RAB33A: variants seen among roughly 807,000 people sequenced by gnomAD.
RAB33A encodes the protein RAB33A, member RAS oncogene family, also known as ras-related protein Rab-33A.
A neutral mutation model predicts 12.0 loss-of-function variants in RAB33A; 6 were observed. The ratio of observed to expected loss-of-function variants is 0.50; its 90% CI spans 0.27 to 0.99. The LOEUF (loss-of-function observed/expected upper bound fraction) is 0.99. RAB33A is among the 50% of genes least tolerant of loss of function. RAB33A has a pLI of 0.11. For synonymous variants in RAB33A, 70 were observed against 82.4 expected, an observed-to-expected ratio of 0.85 and a Z score of 0.81; for missense variants, 109 against 192.0, an observed-to-expected ratio of 0.57 and a Z score of 2.55.
chrX:130,139,306 T>C, the RAB33A span, among the ~76,000 whole-genome samples: 11 of 108,080 alleles, frequency 1.0e-4, no homozygotes, highest in Admixed American at 1.0e-3. Flanking sequence ...CACTCCAGCC[T>C]GGGTGATAGA....
the RAB33A span, among the ~76,000 whole-genome samples, chrX:130,116,380 G>A: frequency 2.7e-5 from 3 of 111,293 alleles, no homozygotes; most frequent in Non-Finnish European, 5.7e-5. Context: ...TGCAACCTCC[G>A]CTTCCCGGGT....
intron 1 of RAB33A, among the ~76,000 whole-genome samples, chrX:130,178,273 G>A (rs748090467): frequency 9.1e-6 from 1 of 110,037 alleles, no homozygotes; most frequent in African/African-American, 3.3e-5. Flanking sequence ...AGCCATGATT[G>A]CACTGCTGCA....
the RAB33A span, chrX:130,131,773 T>C: frequency 8.3e-6 from 10 of 1,211,696 alleles, no homozygotes; most frequent in Admixed American, 2.2e-5. Context: ...AATAGCTTCA[T>C]AGCCAACATC....
intron 1 of RAB33A, among the ~76,000 whole-genome samples, chrX:130,182,139 CA>C (rs1188540923): frequency 0.016 from 497 of 30,413 alleles, 6 homozygotes; most frequent in African/African-American, 0.054. Flanking sequence ...TCTGTCTCTA[CA>C]AAAAAAAAAA....
chrX:130,152,944 T>A, the RAB33A span, among the ~76,000 whole-genome samples: 35 of 111,384 alleles, frequency 3.1e-4, 1 homozygote, highest in Non-Finnish European at 5.7e-5. Flanking sequence ...AGAGTAGTTT[T>A]TGAAGCTTTG....
the RAB33A span, among the ~76,000 whole-genome samples, chrX:130,153,902 C>G: frequency 1.8e-5 from 2 of 112,141 alleles, no homozygotes; most frequent in Admixed American, 1.9e-4. Flanking sequence ...TTTGTTATGG[C>G]AGCCCAAGAA....
chrX:130,133,547 TTGTAA>T, the RAB33A span: 1 of 1,048,463 alleles, frequency 9.5e-7, no homozygotes, highest in Non-Finnish European at 1.3e-6. Flanking sequence ...CAAAGAACAC[TTGTAA>T]TGGTAACTAA....
At chrX:130,137,180 C>A in the RAB33A span, 1 of 1,211,112 alleles carries the variant, frequency 8.3e-7, no homozygotes, top group Admixed American at 2.2e-5. Flanking sequence ...GTGCCCAAGG[C>A]TCGAGCTGGG....
At chrX:130,170,295 C>T (rs953157054), upstream of RAB33A, among the ~76,000 whole-genome samples, 3 of 112,298 alleles carry the variant, frequency 2.7e-5, no homozygotes, top group Non-Finnish European at 5.6e-5. Flanking sequence ...GTTTTTCTCT[C>T]AGCAGAAATG....
chrX:130,171,865 G>A, upstream of RAB33A: 1 of 427,254 alleles, frequency 2.3e-6, no homozygotes. Context: ...AGGAGGAGGA[G>A]GGGGGCCCGG....
the RAB33A span, among the ~76,000 whole-genome samples, chrX:130,134,274 A>G: frequency 1.8e-5 from 2 of 110,675 alleles, no homozygotes; most frequent in Non-Finnish European, 3.8e-5. Flanking sequence ...CTGCTTCCAT[A>G]AAGCTAACCT....
intron 1 of RAB33A, among the ~76,000 whole-genome samples, chrX:130,182,497 G>A (rs1360414797): frequency 9.0e-6 from 1 of 110,904 alleles, no homozygotes; most frequent in African/African-American, 3.3e-5. Context: ...GCTCATGCCT[G>A]TAATCCCAGC....
At chrX:130,136,532 T>G in the RAB33A span, 1 of 700,884 alleles carries the variant, frequency 1.4e-6, no homozygotes, top group Non-Finnish European at 2.3e-6. Flanking sequence ...ATCAGGTTAA[T>G]GGCAACTGCC....
chrX:130,129,572 G>A, the RAB33A span: 3 of 1,210,669 alleles, frequency 2.5e-6, no homozygotes, highest in Non-Finnish European at 2.2e-6. Context: ...CTTCATGAAT[G>A]TTGAATAGTT....
the RAB33A span, among the ~76,000 whole-genome samples, chrX:130,140,078 T>C: frequency 3.6e-5 from 4 of 112,302 alleles, no homozygotes; most frequent in Non-Finnish European, 5.6e-5. Context: ...TGAGAGTCTG[T>C]CTTCAAGGGG....
the RAB33A span, among the ~76,000 whole-genome samples, chrX:130,142,476 C>A: frequency 9.0e-6 from 1 of 111,294 alleles, no homozygotes; most frequent in Non-Finnish European, 1.9e-5. Context: ...GGCATGAGGG[C>A]TCCCCACCAC....
At chrX:130,141,315 A>T in the RAB33A span, among the ~76,000 whole-genome samples, 1 of 111,797 alleles carries the variant, frequency 8.9e-6, no homozygotes, top group African/African-American at 3.2e-5. Flanking sequence ...GGAAATTGGC[A>T]ATGAGAAGGC....
the RAB33A span, among the ~76,000 whole-genome samples, chrX:130,129,068 G>A: frequency 3.6e-5 from 4 of 112,109 alleles, no homozygotes; most frequent in Non-Finnish European, 5.6e-5. Context: ...CTAGCAGGGA[G>A]ACACATACAC....
At chrX:130,128,343 C>A in the RAB33A span, among the ~76,000 whole-genome samples, 20 of 111,386 alleles carry the variant, frequency 1.8e-4, no homozygotes, top group African/African-American at 5.9e-4. Context: ...GAGGCCGAGG[C>A]GGGCAGATAA....
Sources: allele counts gnomAD v4.1 joint callset (sites outside exome capture counted in the v4.1 genomes callset), GRCh38; gene constraint gnomAD v4.1.1; transcripts MANE v1.5; gene names NCBI Gene and HGNC (gene_info 2026-07-23, HGNC 2026-07-21).